The following LRP1B variants were observed in gnomAD, a reference collection of about 807,000 sequenced individuals.
LRP1B encodes the protein low-density lipoprotein receptor-related protein 1B.
Under a neutral mutation model 556.6 loss-of-function variants are expected in LRP1B, and 217 were observed. The observed-to-expected ratio is 0.39, with a 90% CI of 0.35 to 0.44. The LOEUF is 0.44. LRP1B is among the 20% of genes least tolerant of loss of function. LRP1B has a pLI of 1.00. For synonymous variants in LRP1B, 2,047 were observed against 1,865.8 expected (o/e 1.10, Z -2.50); for missense variants, 5,053 against 5,620.8 (o/e 0.90, Z 3.23).
intron 41 of LRP1B, among the ~76,000 whole-genome samples, chr2:140,665,414 C>G (rs16844426): frequency 6.6e-6 from 1 of 152,076 alleles, no homozygotes; most frequent in Non-Finnish European, 1.5e-5. Flanking sequence ...AACATAGACT[C>G]TATGAAAATA....
chr2:141,271,133 T>C (rs1685075150), intron 3 of LRP1B, among the ~76,000 whole-genome samples: 3 of 151,622 alleles, frequency 2.0e-5, no homozygotes, highest in Admixed American at 1.3e-4. Context: ...ATTTGAGGGG[T>C]TTCATAGTAC....
intron 3 of LRP1B, among the ~76,000 whole-genome samples, chr2:141,393,311 G>A (rs985093760): frequency 2.6e-5 from 4 of 152,026 alleles, no homozygotes; most frequent in South Asian, 2.1e-4. Flanking sequence ...TAACAGCACC[G>A]CAATGTGAGT....
intron 7 of LRP1B, among the ~76,000 whole-genome samples, chr2:141,101,435 T>C (rs1700459168): frequency 6.6e-6 from 1 of 152,158 alleles, no homozygotes; most frequent in Non-Finnish European, 1.5e-5. Context: ...CATGAAACTG[T>C]AGTTTTAGTT....
chr2:141,359,522 C>T (rs1225729464), intron 3 of LRP1B, among the ~76,000 whole-genome samples: 1 of 152,130 alleles, frequency 6.6e-6, no homozygotes, highest in Non-Finnish European at 1.5e-5. Context: ...CTTTGGGAGG[C>T]CAAGGCAGGT....
intron 1 of LRP1B, among the ~76,000 whole-genome samples, chr2:141,948,768 C>A (rs1361677655): frequency 1.3e-5 from 2 of 151,580 alleles, no homozygotes; most frequent in African/African-American, 2.4e-5. Context: ...TATGAGAAAA[C>A]CATTTCTAAA....
At chr2:140,340,250 A>G (rs536890315) in intron 77 of LRP1B, among the ~76,000 whole-genome samples, 1 of 151,688 alleles carries the variant, frequency 6.6e-6, no homozygotes, top group South Asian at 2.1e-4. Context: ...AACTGATTTA[A>G]ATCCTAGTCC....
chr2:141,394,665 A>T (rs997875967), intron 3 of LRP1B, among the ~76,000 whole-genome samples: 4 of 152,100 alleles, frequency 2.6e-5, no homozygotes, highest in African/African-American at 9.7e-5. Context: ...GACCCAGATA[A>T]TTGGTCTTAG....
At chr2:141,774,079 T>G (rs1245233774) in intron 2 of LRP1B, among the ~76,000 whole-genome samples, 1 of 152,222 alleles carries the variant, frequency 6.6e-6, no homozygotes, top group East Asian at 1.9e-4. Context: ...TACAACATTT[T>G]CACCACTTTG....
intron 37 of LRP1B, among the ~76,000 whole-genome samples, chr2:140,710,721 T>A (rs1315204793): frequency 2.0e-5 from 3 of 152,000 alleles, no homozygotes; most frequent in Admixed American, 2.0e-4. Context: ...AATTCTTGGA[T>A]GGACTATCAG....
intron 41 of LRP1B, among the ~76,000 whole-genome samples, chr2:140,659,192 T>C (rs1685004053): frequency 7.2e-6 from 1 of 138,270 alleles, no homozygotes; most frequent in Non-Finnish European, 1.5e-5. Context: ...TCAATGAGCA[T>C]GAAATGTGCC....
At chr2:140,701,883 G>C in intron 39 of LRP1B, 38 bp from the exon 40 acceptor site, 2 of 1,610,694 alleles carry the variant, frequency 1.2e-6, no homozygotes, top group Non-Finnish European at 1.7e-6. Context: ...AACAATCTTC[G>C]ACTAATTAAA....
chr2:141,256,180 A>C (rs367576423), intron 3 of LRP1B, among the ~76,000 whole-genome samples: 17 of 152,172 alleles, frequency 1.1e-4, no homozygotes, highest in Admixed American at 6.6e-4. Flanking sequence ...ATATCTGAGA[A>C]ACAGTTGTAG....
intron 66 of LRP1B, among the ~76,000 whole-genome samples, chr2:140,410,236 G>A (rs1012297225): frequency 6.6e-6 from 1 of 151,770 alleles, no homozygotes; most frequent in Admixed American, 6.6e-5. Context: ...AATCAGCACA[G>A]AACATGTCCC....
Position 141,205,544 on chromosome 2 carries a change from G to T in LRP1B, c.851-16961C>A, listed in dbSNP as rs181489811. On this transcript the variant is annotated intron_variant, in intron 6 of 90. Coordinates refer to ENST00000389484, the MANE Select transcript of LRP1B (RefSeq NM_018557.3). ...CAATAAAATTTTTTTCACAAATTAT[G>T]TAAGTACATGATGTAATTCCCCATG... Among the ~76,000 whole-genome samples the T allele has an allele frequency of 2.6e-5, 4 of 152,206 alleles. No individual in the cohort carries two copies. In the South Asian group the frequency reaches 8.3e-4, roughly 32 times the overall value.
chr2:141,139,189 TAACTCGATATGAATC>T (rs1701569011), intron 7 of LRP1B, among the ~76,000 whole-genome samples: 1 of 151,764 alleles, frequency 6.6e-6, no homozygotes, highest in African/African-American at 2.4e-5. Context: ...ACACAACAAT[TAACTCGATATGAATC>T]CTCTAAAAAA....
chr2:141,020,155 T>TATATA, intron 11 of LRP1B, 53 bp from the exon 12 acceptor site: 1 of 1,246,740 alleles, frequency 8.0e-7, no homozygotes, highest in Non-Finnish European at 1.1e-6. Flanking sequence ...TATAGTAAAA[T>TATATA]TAGTGTTCAC....
intron 7 of LRP1B, among the ~76,000 whole-genome samples, chr2:141,078,996 G>T (rs912933798): frequency 2.0e-5 from 3 of 152,060 alleles, no homozygotes; most frequent in Non-Finnish European, 4.4e-5. Flanking sequence ...TAATTACAGG[G>T]TTTGGTTTAA....
intron 2 of LRP1B, among the ~76,000 whole-genome samples, chr2:141,603,890 C>T: frequency 6.6e-6 from 1 of 152,158 alleles, no homozygotes; most frequent in African/African-American, 2.4e-5. Context: ...AAAGGCCTAA[C>T]ATTGAAGTTC....
intron 7 of LRP1B, among the ~76,000 whole-genome samples, chr2:141,167,648 T>A (rs185639345): frequency 5.9e-4 from 90 of 152,016 alleles, no homozygotes; most frequent in African/African-American, 2.1e-3. Flanking sequence ...ATATATACAA[T>A]ATAATCATCT....
Sources: gnomAD v4.1 joint callset for allele counts (sites outside exome capture counted in the v4.1 genomes callset) on GRCh38, gnomAD v4.1.1 for gene constraint, MANE v1.5 for transcripts, NCBI Gene and HGNC (gene_info 2026-07-23, HGNC 2026-07-21) for gene names.